Variants in ABCC2 observed in about 807,000 individuals in gnomAD.
ABCC2 encodes the protein ATP binding cassette subfamily C member 2.
In ABCC2, 157 loss-of-function variants were observed where a neutral mutation model predicts 173.4. That is an observed-to-expected ratio of 0.91 (90% confidence interval 0.80 to 1.03). The LOEUF is 1.03. Ranked by LOEUF, ABCC2 falls within the 50% of genes least tolerant of loss-of-function variation. The pLI is 0.00. For missense variants in ABCC2, 1,822 were observed against 1,852.3 expected, an observed-to-expected ratio of 0.98 and a Z score of 0.30; for synonymous variants, 657 against 693.5, an observed-to-expected ratio of 0.95 and a Z score of 0.83.
Position 99,819,105 on chromosome 10 carries a change from C to A in ABCC2, c.2456C>A (p.Thr819Lys), listed in dbSNP as rs1195157133. The stretch of plus-strand genomic sequence containing the variant: ...TTTTTATAGACTCGACTCTTGGTTA[C>A]ACATAGCATGCACTTTCTTCCTCAA... The part of the protein sequence containing the change: ...LLKGKTRLLV[T>K]HSMHFLPQVD... Residue 819 changes from threonine to lysine, a missense_variant, in exon 19 of 32, where the codon ACA becomes AAA. Thr to Lys is a moderately conservative substitution (Grantham distance 78). Coordinates refer to ENST00000647814, the MANE Select transcript of ABCC2 (RefSeq NM_000392.5). The A allele has an allele frequency of 1.2e-6, 2 of 1,614,150 alleles. No homozygotes were observed. Among genetic ancestry groups the A allele is most frequent in the Non-Finnish European group, 1.7e-6 (2 of 1,180,016 alleles).
chr10:99,848,621 G>T (rs750432043), intron 30 of ABCC2, among the ~76,000 whole-genome samples: 4 of 152,192 alleles, frequency 2.6e-5, no homozygotes, highest in Admixed American at 6.5e-5. Context: ...ATCAGAATCC[G>T]CACTTTAGCA....
At position 99,818,814 on chromosome 10, in the gene ABCC2, A is replaced by C. The variant is rs1369784733; in HGVS notation, c.2296A>C (p.Lys766Gln). 1.9e-5 allele frequency: 31 copies of C among 1,614,090 alleles called. No individual in the cohort carries two copies. Among genetic ancestry groups the C allele is most frequent in the Non-Finnish European group, 2.6e-5 (31 of 1,180,050 alleles). ...GGGTATAAATCTTAGTGGGGGTCAG[A>C]AGCAGCGGATCAGCCTGGCCAGAGC... is the stretch of plus-strand genomic sequence containing the variant. Reference protein sequence around the residue: ...EKGINLSGGQKQRISLARATY... With the variant: ...EKGINLSGGQQQRISLARATY... The change falls in exon 18 of 32, where the codon AAG (lysine) becomes CAG (glutamine). Residue 766 changes from lysine (K) to glutamine (Q), a missense_variant. Coordinates refer to ENST00000647814, the MANE Select transcript of ABCC2 (RefSeq NM_000392.5).
intron 19 of ABCC2, among the ~76,000 whole-genome samples, chr10:99,823,300 C>T (rs925862093): frequency 6.6e-6 from 1 of 151,952 alleles, no homozygotes; most frequent in Non-Finnish European, 1.5e-5. Flanking sequence ...GCAGATGATA[C>T]CAGTAAGTCA....
At chr10:99,795,702 G>A (rs1357782427) in intron 6 of ABCC2, among the ~76,000 whole-genome samples, 2 of 137,948 alleles carry the variant, frequency 1.4e-5, no homozygotes, top group African/African-American at 5.5e-5. Flanking sequence ...TCCATCAAAA[G>A]AAAGAGAGAG....
At chr10:99,791,775 G>A (rs920350908) in intron 2 of ABCC2, among the ~76,000 whole-genome samples, 5 of 152,220 alleles carry the variant, frequency 3.3e-5, no homozygotes, top group Admixed American at 2.6e-4. Context: ...AGAGCTATTG[G>A]AGTGTCCTCA....
At chr10:99,787,460 G>GTTTT (rs1564667514) in intron 2 of ABCC2, among the ~76,000 whole-genome samples, 1 of 150,322 alleles carries the variant, frequency 6.7e-6, no homozygotes, top group African/African-American at 2.4e-5. Flanking sequence ...CCTTTTTTTG[G>GTTTT]GGGGACGGAG....
At position 99,832,099 on chromosome 10, in the gene ABCC2, C is replaced by T. The variant is rs1157915680; in HGVS notation, c.3226C>T (p.Pro1076Ser). 6 of 1,614,180 alleles carry T rather than the reference C, an allele frequency of 3.7e-6. No homozygotes were observed. The highest frequency in any genetic ancestry group is 2.2e-5 in the South Asian group (2 of 91,084). ...ACCTATGAGATTTTTTGACACAACA[C>T]CCACAGGCCGGATTGTGAACAGGTT... ...RAPMRFFDTTPTGRIVNRFAG... is the reference protein window; with the variant it reads ...RAPMRFFDTTSTGRIVNRFAG... Residue 1076 changes from proline (P) to serine (S), a missense_variant, in exon 23 of 32, where the codon CCC becomes TCC. Coordinates refer to ENST00000647814, the MANE Select transcript of ABCC2 (RefSeq NM_000392.5).
Position 99,795,801 on chromosome 10 carries a change from A to AAGAAAGAAAGAAAGAG in ABCC2, c.633-1293_633-1292insAAGAAAGAAAGAGAGA, listed in dbSNP as rs58906337. Among the ~76,000 whole-genome samples, 19 of 102,288 alleles carry AAGAAAGAAAGAAAGAG rather than the reference A, an allele frequency of 1.9e-4. 1 individual carries two copies. Among genetic ancestry groups the AAGAAAGAAAGAAAGAG allele is most frequent in the African/African-American group, 3.3e-4 (9 of 27,232 alleles). The allele number at this position is 102,288 out of a possible 152,430, so 67.1% of individuals were successfully genotyped here. On this transcript the variant is annotated intron_variant, in intron 6 of 31. Coordinates refer to ENST00000647814, the MANE Select transcript of ABCC2 (RefSeq NM_000392.5). ...AAAGAAAGAAAGAAAGAAAGAAAGAAAGATTTCTAAATGCTAGATTTCAGT... is the reference window on the plus strand; with the variant it reads ...AAAGAAAGAAAGAAAGAAAGAAAGAAAGAAAGAAAGAAAGAGAGATTTCTAAATGCTAGATTTCAGT...
chr10:99,803,718 C>T (rs929749127), intron 9 of ABCC2, among the ~76,000 whole-genome samples: 1 of 151,924 alleles, frequency 6.6e-6, no homozygotes, highest in Non-Finnish European at 1.5e-5. Context: ...TTGGTAGTCA[C>T]GGTGGTTTTC....
Position 99,851,860 on chromosome 10 carries a change from C to T in ABCC2, c.*229C>T. The T allele has an allele frequency of 2.3e-6, 1 of 442,272 alleles. No individual in the cohort carries two copies. The highest frequency in any genetic ancestry group is 4.0e-6 in the Non-Finnish European group (1 of 252,014). The allele number at this position is 442,272 out of a possible 1,614,324, so 27.4% of individuals were successfully genotyped here. ...TCGTACTTCCTTGCTACCCACCCCT[C>T]CCAGGGACAACCACTGTCCTGAATT... On this transcript the variant is annotated 3_prime_UTR_variant, in exon 32 of 32. Coordinates refer to ENST00000647814, the MANE Select transcript of ABCC2 (RefSeq NM_000392.5).
chr10:99,847,138 A>G lies in ABCC2; in HGVS notation c.4313+11A>G. ...TGGTGGCAACCTGAGGTAATGTTCC[A>G]TAGCCTGCTACCCCTGCAGGCAATG... is the stretch of plus-strand genomic sequence containing the variant. On this transcript the variant is annotated intron_variant, in intron 30 of 31. Transcript: ENST00000647814. The G allele has an allele frequency of 4.3e-6, 7 of 1,614,040 alleles. No homozygotes were observed. Among genetic ancestry groups the G allele is most frequent in the East Asian group, 2.2e-5 (1 of 44,888 alleles).
At chr10:99,790,131 T>C (rs2037788671) in intron 2 of ABCC2, among the ~76,000 whole-genome samples, 1 of 152,236 alleles carries the variant, frequency 6.6e-6, no homozygotes, top group South Asian at 2.1e-4. Context: ...ATGAAATGAC[T>C]GAGTTAAGGA....
At position 99,807,458 on chromosome 10, in the gene ABCC2, C is replaced by A. The variant is rs775725511; in HGVS notation, c.1605C>A (p.Asn535Lys). ...VQNLRKKELK[N>K]LLAFSQLQCV... ...ACCTCCGGAAGAAAGAGCTCAAGAA[C>A]CTGCTGGCCTTTAGTCAACTACAGT... Residue 535 changes from asparagine (N) to lysine (K), a missense_variant, in exon 12 of 32, where the codon AAC (asparagine) becomes AAA (lysine). Transcript: ENST00000647814. 6.2e-7 allele frequency: 1 copy of A among 1,613,982 alleles called. No individual in the cohort carries two copies. Among genetic ancestry groups the A allele is most frequent in the African/African-American group, 1.3e-5 (1 of 74,922 alleles).
At chr10:99,833,993 A>G (rs56050010) in intron 23 of ABCC2, among the ~76,000 whole-genome samples, 13,296 of 152,144 alleles carry the variant, frequency 0.087, 843 homozygotes, top group Middle Eastern at 0.19. Flanking sequence ...GCAGGCTCAC[A>G]TTCAACCCCA....
intron 4 of ABCC2, 83 bp downstream of exon 4, chr10:99,793,768 C>T (rs2037848048): frequency 6.3e-7 from 1 of 1,596,252 alleles, no homozygotes; most frequent in East Asian, 2.2e-5. Flanking sequence ...AGTTGAGCTC[C>T]AGGATCGAAT....
chr10:99,814,407 A>G lies in ABCC2; in HGVS notation c.2094+1263A>G, dbSNP rs1179256908. On this transcript the variant is annotated intron_variant, in intron 16 of 31. Transcript: ENST00000647814. Reference sequence around the variant, plus strand: ...TATACATATATGGGTATATATACACACGTGTATATATGTGTGCATATATGT... The same window carrying G: ...TATACATATATGGGTATATATACACGCGTGTATATATGTGTGCATATATGT... Among the ~76,000 whole-genome samples the G allele has an allele frequency of 1.4e-5, 2 of 143,354 alleles. 1 individual carries two copies. The highest frequency in any genetic ancestry group is 3.1e-5 in the Non-Finnish European group (2 of 64,108). The allele number at this position is 143,354 out of a possible 152,430, so 94.0% of individuals were successfully genotyped here. A position where few individuals can be genotyped will look rare whatever the true frequency, so the allele number is the denominator to read the frequency against.
chr10:99,843,874 A>G lies in ABCC2; in HGVS notation c.3817A>G (p.Thr1273Ala), dbSNP rs8187699. 7.3e-4 allele frequency: 1,175 copies of G among 1,614,206 alleles called. 4 individuals carry two copies. The African/African-American group carries it at 0.011, about 16-fold the overall frequency. ...CAACATTGTGGCTGTTGAGCGAATAACTGAGTACACAAAAGTGGAAAATGA... is the reference window on the plus strand; with the variant it reads ...CAACATTGTGGCTGTTGAGCGAATAGCTGAGTACACAAAAGTGGAAAATGA... ...ETNIVAVERITEYTKVENEAP... is the reference protein window; with the variant it reads ...ETNIVAVERIAEYTKVENEAP... Residue 1273 changes from threonine (T) to alanine (A), a missense_variant, in exon 27 of 32, where the codon ACT becomes GCT. Thr to Ala is a moderately conservative substitution (Grantham distance 58). Transcript: ENST00000647814.
chr10:99,793,165 A>G (rs879469311), intron 3 of ABCC2, among the ~76,000 whole-genome samples: 1 of 152,234 alleles, frequency 6.6e-6, no homozygotes, highest in Non-Finnish European at 1.5e-5. Flanking sequence ...TTAGAAAATC[A>G]AGCTACAGAC....
chr10:99,842,321 G>C (rs1338092274), intron 26 of ABCC2, among the ~76,000 whole-genome samples: 2 of 152,116 alleles, frequency 1.3e-5, no homozygotes, highest in Non-Finnish European at 2.9e-5. Context: ...TGACCTTAGG[G>C]CTTAAGAAGG....
Sources: allele counts gnomAD v4.1 joint callset (sites outside exome capture counted in the v4.1 genomes callset), GRCh38; gene constraint gnomAD v4.1.1; transcripts MANE v1.5; gene names NCBI Gene and HGNC (gene_info 2026-07-23, HGNC 2026-07-21).